CTNND2: variants seen among roughly 807,000 people sequenced by gnomAD.
The protein encoded by CTNND2 is catenin delta-2.
Under a neutral mutation model 144.4 loss-of-function variants are expected in CTNND2, and 22 were observed. The ratio of observed to expected loss-of-function variants is 0.15; its 90% CI spans 0.11 to 0.22. The LOEUF is 0.22. Among genes scored for constraint, CTNND2 ranks in the 10% least tolerant of loss-of-function variants. The pLI is 1.00. For synonymous variants in CTNND2, 751 were observed against 695.6 expected, an observed-to-expected ratio of 1.08 and a Z score of -1.25; for missense variants, 1,353 against 1,618.8, an observed-to-expected ratio of 0.84 and a Z score of 2.82.
At chr5:11,537,963 G>A (rs1286246692) in intron 3 of CTNND2, among the ~76,000 whole-genome samples, 1 of 152,098 alleles carries the variant, frequency 6.6e-6, no homozygotes, top group Non-Finnish European at 1.5e-5. Flanking sequence ...CACCTACGCT[G>A]TTACTAGAAT....
chr5:11,646,419 A>G (rs1782354623), intron 2 of CTNND2, among the ~76,000 whole-genome samples: 1 of 152,184 alleles, frequency 6.6e-6, no homozygotes, highest in Non-Finnish European at 1.5e-5. Context: ...GTCTGTTTCC[A>G]GTGCCAGAGC....
At chr5:11,540,365 A>AC (rs1774611735) in intron 3 of CTNND2, among the ~76,000 whole-genome samples, 1 of 151,906 alleles carries the variant, frequency 6.6e-6, no homozygotes, top group African/African-American at 2.4e-5. Flanking sequence ...GTTCCCCTTC[A>AC]CCTTTGTATC....
In CTNND2 at chr5:11,222,257, A is replaced by G. The variant is rs1580629023; in HGVS notation, c.1761+14434T>C. On this transcript the variant is annotated intron_variant, in intron 10 of 21. Coordinates refer to ENST00000304623, the MANE Select transcript of CTNND2 (RefSeq NM_001332.4). ...AATGGAGTTAAAATAACCCAAAGTG[A>G]TATTTAGCAAACCCAGAAAGGAAAC... 2.6e-5 allele frequency among the ~76,000 whole-genome samples: 4 copies of G among 152,342 alleles called. No individual in the cohort carries two copies. In the Middle Eastern group the frequency reaches 0.014, roughly 518 times the overall value.
At chr5:11,809,394 ATCT>A (rs548302233) in intron 1 of CTNND2, among the ~76,000 whole-genome samples, 1 of 152,210 alleles carries the variant, frequency 6.6e-6, no homozygotes, top group Non-Finnish European at 1.5e-5. Context: ...TAACTTAGTC[ATCT>A]TTACTTAGAA....
chr5:11,404,201 A>G (rs1055886531), intron 5 of CTNND2, among the ~76,000 whole-genome samples: 2 of 152,218 alleles, frequency 1.3e-5, no homozygotes, highest in Non-Finnish European at 1.5e-5. Context: ...GAAAGCAAGT[A>G]TCTCTTAGTA....
At chr5:11,091,506 A>G (rs1750771953) in intron 15 of CTNND2, among the ~76,000 whole-genome samples, 1 of 152,152 alleles carries the variant, frequency 6.6e-6, no homozygotes, top group Non-Finnish European at 1.5e-5. Context: ...CTTGCAGGAT[A>G]GTTTTTAGTT....
chr5:11,671,788 C>T (rs1423808315), intron 2 of CTNND2, among the ~76,000 whole-genome samples: 1 of 152,046 alleles, frequency 6.6e-6, no homozygotes, highest in Admixed American at 6.5e-5. Flanking sequence ...GTCAGTTCAT[C>T]AAACTCATTC....
chr5:11,703,652 G>C (rs1183003846), intron 2 of CTNND2, among the ~76,000 whole-genome samples: 1 of 152,192 alleles, frequency 6.6e-6, no homozygotes, highest in Non-Finnish European at 1.5e-5. Flanking sequence ...TATTGTCTCT[G>C]CCCTCAGGGA....
intron 3 of CTNND2, among the ~76,000 whole-genome samples, chr5:11,562,177 G>T (rs1183248434): frequency 6.6e-6 from 1 of 152,142 alleles, no homozygotes; most frequent in African/African-American, 2.4e-5. Context: ...TCTGGCAGTT[G>T]TGACTTGATT....
At chr5:11,224,095 T>C (rs1199576100) in intron 10 of CTNND2, among the ~76,000 whole-genome samples, 1 of 152,202 alleles carries the variant, frequency 6.6e-6, no homozygotes, top group Non-Finnish European at 1.5e-5. Context: ...GATTCTGCCT[T>C]ACCCTCCAAG....
intron 18 of CTNND2, among the ~76,000 whole-genome samples, chr5:10,997,609 T>A (rs954799542): frequency 1.8e-4 from 27 of 149,068 alleles, no homozygotes; most frequent in African/African-American, 3.8e-4. Flanking sequence ...AAAAAAAAAA[T>A]TTAAATCCCT....
At position 11,096,799 on chromosome 5, in the gene CTNND2, G is replaced by C. The variant is rs558724980; in HGVS notation, c.2637+1776C>G. Among the ~76,000 whole-genome samples the C allele has an allele frequency of 8.0e-4, 114 of 142,608 alleles. No homozygotes were observed. The Middle Eastern group carries it at 0.015, about 19-fold the overall frequency. 93.6% of individuals were successfully genotyped at this position (142,608 alleles called of 152,430 possible). ...ACAGAGGGAGGGAGGAAGAGAGAGA[G>C]AGACAGAGAGAGAGAGAGAGAGAGA... On this transcript the variant is annotated intron_variant, in intron 15 of 21. Coordinates refer to ENST00000304623, the MANE Select transcript of CTNND2 (RefSeq NM_001332.4).
At chr5:11,714,282 T>C (rs1786216137) in intron 2 of CTNND2, among the ~76,000 whole-genome samples, 1 of 152,164 alleles carries the variant, frequency 6.6e-6, no homozygotes. Flanking sequence ...TCTTTAAATG[T>C]TTTTATTTTC....
intron 1 of CTNND2, among the ~76,000 whole-genome samples, chr5:11,843,789 T>A (rs1561851398): frequency 6.6e-6 from 1 of 152,222 alleles, no homozygotes; most frequent in Non-Finnish European, 1.5e-5. Flanking sequence ...TCTATTTGGA[T>A]CAATAAAATC....
At chr5:11,806,657 G>A (rs1792018024) in intron 1 of CTNND2, among the ~76,000 whole-genome samples, 2 of 152,044 alleles carry the variant, frequency 1.3e-5, no homozygotes, top group African/African-American at 2.4e-5. Context: ...CTGGGTTTTG[G>A]TTGCCCCATC....
At chr5:11,798,117 C>T (rs567727895) in intron 1 of CTNND2, among the ~76,000 whole-genome samples, 15 of 151,870 alleles carry the variant, frequency 9.9e-5, no homozygotes, top group East Asian at 9.8e-4. Flanking sequence ...AAAAAAATAG[C>T]CAGTCGTGGT....
chr5:11,019,790 T>C (rs1184064726), intron 17 of CTNND2, among the ~76,000 whole-genome samples: 1 of 152,198 alleles, frequency 6.6e-6, no homozygotes, highest in African/African-American at 2.4e-5. Context: ...TTAAGACTGT[T>C]AATAGCTTTT....
intron 11 of CTNND2, among the ~76,000 whole-genome samples, chr5:11,191,358 A>C (rs1406332929): frequency 6.6e-6 from 1 of 152,232 alleles, no homozygotes; most frequent in African/African-American, 2.4e-5. Flanking sequence ...CACGGGACAG[A>C]ACACACTCAT....
At chr5:11,507,357 A>T (rs1159143032) in intron 3 of CTNND2, among the ~76,000 whole-genome samples, 1 of 152,234 alleles carries the variant, frequency 6.6e-6, no homozygotes, top group African/African-American at 2.4e-5. Context: ...GTCTTGTTTA[A>T]GCTATACAAT....
Sources: gnomAD v4.1 joint callset for allele counts (sites outside exome capture counted in the v4.1 genomes callset) on GRCh38, gnomAD v4.1.1 for gene constraint, MANE v1.5 for transcripts, NCBI Gene and HGNC (gene_info 2026-07-23, HGNC 2026-07-21) for gene names.